KIF26B: variants seen among roughly 807,000 people sequenced by gnomAD.
The protein encoded by KIF26B is kinesin family member 26B, also known as kinesin-like protein KIF26B.
A neutral mutation model predicts 151.2 loss-of-function variants in KIF26B; 63 were observed. The ratio of observed to expected loss-of-function variants is 0.42; its 90% confidence interval spans 0.34 to 0.51. The LOEUF is 0.51. Among genes scored for constraint, KIF26B ranks in the 20% least tolerant of loss-of-function variants. The probability of loss-of-function intolerance (pLI) is 0.07; values close to 1 mark genes in which losing one functional copy is unlikely to be tolerated. For missense variants in KIF26B, 2,813 were observed against 2,913.6 expected (o/e 0.97, Z 0.79); for synonymous variants, 1,357 against 1,262.1 (o/e 1.08, Z -1.59).
chr1:245,396,593 G>A (rs972463931), intron 3 of KIF26B, among the ~76,000 whole-genome samples: 3 of 151,004 alleles, frequency 2.0e-5, no homozygotes, highest in African/African-American at 4.9e-5. Context: ...CTGAGATGGC[G>A]CCACTGCATT....
At chr1:245,369,168 T>TGAGAGAGAGGGA (rs1396163965) in intron 3 of KIF26B, among the ~76,000 whole-genome samples, 31 of 135,852 alleles carry the variant, frequency 2.3e-4, no homozygotes, top group African/African-American at 7.7e-4. Flanking sequence ...AAAAGAAGAG[T>TGAGAGAGAGGGA]GAGAGAGAGA....
Position 245,156,626 on chromosome 1 carries a change from G to A in KIF26B, c.408G>A (p.Leu136=), listed in dbSNP as rs1346703265. The A allele has an allele frequency of 6.6e-7, 1 of 1,524,290 alleles. No homozygotes were observed. The highest frequency in any genetic ancestry group is 1.2e-5 in the South Asian group (1 of 83,326). 94.4% of individuals were successfully genotyped at this position (1,524,290 alleles called of 1,614,324 possible). Reference sequence around the variant, plus strand: ...GGTGCGAGAACTGCAACGCCCGCCTGGTGGAGCTCAAGAGGCAGGCCCTGA... The same window carrying A: ...GGTGCGAGAACTGCAACGCCCGCCTAGTGGAGCTCAAGAGGCAGGCCCTGA... ...GVWCENCNAR[L]VELKRQALRL... The change falls in exon 2 of 15, where the codon CTG becomes CTA. Residue 136 remains leucine (L), a synonymous_variant. Transcript: ENST00000407071.
intron 5 of KIF26B, among the ~76,000 whole-genome samples, chr1:245,567,132 A>G (rs2043018246): frequency 6.6e-6 from 1 of 152,120 alleles, no homozygotes; most frequent in Non-Finnish European, 1.5e-5. Context: ...CTGTCTTAGG[A>G]CAGTCAGCGT....
chr1:245,534,464 T>C (rs1402549605), intron 4 of KIF26B, among the ~76,000 whole-genome samples: 1 of 152,050 alleles, frequency 6.6e-6, no homozygotes. Context: ...CCTGGCCCAC[T>C]TTTTGTTTTT....
At chr1:245,163,470 A>T (rs927977580) in intron 2 of KIF26B, among the ~76,000 whole-genome samples, 2 of 152,176 alleles carry the variant, frequency 1.3e-5, no homozygotes, top group Non-Finnish European at 2.9e-5. Context: ...GAAGCTCTGT[A>T]GCATGTTTTC....
At chr1:245,196,364 T>C (rs1168277946) in intron 2 of KIF26B, among the ~76,000 whole-genome samples, 1 of 152,148 alleles carries the variant, frequency 6.6e-6, no homozygotes, top group African/African-American at 2.4e-5. Flanking sequence ...AACCTTCCAC[T>C]GTGTTTCCTC....
intron 3 of KIF26B, among the ~76,000 whole-genome samples, chr1:245,417,632 A>C (rs987966527): frequency 8.5e-5 from 13 of 152,262 alleles, no homozygotes; most frequent in Non-Finnish European, 1.6e-4. Flanking sequence ...CAAGATAGCC[A>C]ATAGCTTTCT....
Position 245,686,711 on chromosome 1 carries a change from C to A in KIF26B, c.3728C>A (p.Ser1243Tyr). The change falls in exon 12 of 15, where the codon TCC becomes TAC. Residue 1243 changes from serine to tyrosine, a missense_variant. Physicochemically the swap from Ser to Tyr is moderately radical, Grantham distance 144. Coordinates refer to ENST00000407071, the MANE Select transcript of KIF26B (RefSeq NM_018012.4). This position sits in a 1 kb window ranked among gnomAD's most constrained non-coding sequence, Gnocchi z 5.6. ...SSISEDLECY[S>Y]STAPVSEVSI... ...ATCAGCGAGGACCTGGAGTGCTACT[C>A]CAGCACGGCCCCCGTCTCCGAGGTC... The A allele has an allele frequency of 6.2e-7, 1 of 1,613,308 alleles. No homozygotes were observed. Among genetic ancestry groups the A allele is most frequent in the Non-Finnish European group, 8.5e-7 (1 of 1,179,710 alleles).
chr1:245,165,457 G>T (rs1040544314), intron 2 of KIF26B, among the ~76,000 whole-genome samples: 1 of 152,192 alleles, frequency 6.6e-6, no homozygotes, highest in Non-Finnish European at 1.5e-5. Flanking sequence ...TAGAGCTTGA[G>T]GTGGAATGGT....
intron 2 of KIF26B, among the ~76,000 whole-genome samples, chr1:245,343,770 A>G (rs886393459): frequency 6.6e-6 from 1 of 152,230 alleles, no homozygotes; most frequent in Non-Finnish European, 1.5e-5. Flanking sequence ...TGAAGCTGCA[A>G]CCTTCCACCT....
chr1:245,405,439 T>G (rs549234602), intron 3 of KIF26B, among the ~76,000 whole-genome samples: 82 of 152,308 alleles, frequency 5.4e-4, no homozygotes, highest in African/African-American at 1.8e-3. Context: ...TAGTTAATAT[T>G]CCTTATGGCA....
Position 245,688,535 on chromosome 1 carries a change from A to G in KIF26B, c.5552A>G (p.Tyr1851Cys). Residue 1851 changes from tyrosine (Y) to cysteine (C), a missense_variant, in exon 12 of 15, where the codon TAC (tyrosine) becomes TGC (cysteine). Transcript: ENST00000407071. Reference sequence around the variant, plus strand: ...GCCGCGCACCTGCTCCCGTCGCCCTACAGCAAGATCACGCCCCCGCGGAGG... The same window carrying G: ...GCCGCGCACCTGCTCCCGTCGCCCTGCAGCAAGATCACGCCCCCGCGGAGG... ...PAAAHLLPSPYSKITPPRRPH... is the reference protein window; with the variant it reads ...PAAAHLLPSPCSKITPPRRPH... 1 of 1,536,850 alleles carries G rather than the reference A, an allele frequency of 6.5e-7. No individual in the cohort carries two copies. Among genetic ancestry groups the G allele is most frequent in the Non-Finnish European group, 8.7e-7 (1 of 1,144,632 alleles).
chr1:245,654,105 C>CTGA (rs2044049067), intron 10 of KIF26B, among the ~76,000 whole-genome samples: 1 of 152,168 alleles, frequency 6.6e-6, no homozygotes, highest in Non-Finnish European at 1.5e-5. Context: ...AGGGGCAGGG[C>CTGA]TGATGGTAGC....
rs547732814 is a variant in KIF26B, at chr1:245,587,336, G to A, written c.1351-15241G>A. ...TTTTTATTGTCTCACCTGATAAACC[G>A]TAAGCCCCTTGAAGACAGCAACTCG... On this transcript the variant is annotated intron_variant, in intron 5 of 14. Coordinates refer to ENST00000407071, the MANE Select transcript of KIF26B (RefSeq NM_018012.4). 1.2e-4 allele frequency among the ~76,000 whole-genome samples: 18 copies of A among 152,194 alleles called. No homozygotes were observed. In the South Asian group the frequency reaches 3.1e-3, roughly 26 times the overall value.
rs926782409 is a variant in KIF26B, at chr1:245,678,649, G to A, written c.2259-5584G>A. Reference sequence around the variant, plus strand: ...GAGGCCAAGGAGGGAGGATCACGAGGTCAGGAGATTGAGACCATCGTGGCC... The same window carrying A: ...GAGGCCAAGGAGGGAGGATCACGAGATCAGGAGATTGAGACCATCGTGGCC... On this transcript the variant is annotated intron_variant, in intron 10 of 14. Transcript: ENST00000407071. 3.9e-5 allele frequency among the ~76,000 whole-genome samples: 6 copies of A among 152,046 alleles called. No homozygotes were observed. In the South Asian group the frequency reaches 6.2e-4, roughly 16 times the overall value.
At chr1:245,232,261 G>A (rs1367426082) in intron 2 of KIF26B, among the ~76,000 whole-genome samples, 1 of 152,200 alleles carries the variant, frequency 6.6e-6, no homozygotes, top group African/African-American at 2.4e-5. Context: ...AAAAGTGCAA[G>A]TAATTAATGG....
At chr1:245,465,762 G>T (rs992980008) in intron 4 of KIF26B, among the ~76,000 whole-genome samples, 1 of 152,198 alleles carries the variant, frequency 6.6e-6, no homozygotes, top group South Asian at 2.1e-4. Flanking sequence ...AGCCGCTGGG[G>T]AGGCCTGAGG....
intron 2 of KIF26B, among the ~76,000 whole-genome samples, chr1:245,260,667 C>T (rs1670618745): frequency 6.6e-6 from 1 of 152,202 alleles, no homozygotes; most frequent in African/African-American, 2.4e-5. Flanking sequence ...GGAAGTACTT[C>T]TCACACATCT....
intron 10 of KIF26B, among the ~76,000 whole-genome samples, chr1:245,654,017 C>T (rs1284903710): frequency 1.3e-5 from 2 of 152,108 alleles, no homozygotes; most frequent in African/African-American, 2.4e-5. Context: ...AAGCTATGAT[C>T]GTATCACTGC....
Sources: gnomAD v4.1 joint callset for allele counts (sites outside exome capture counted in the v4.1 genomes callset) on GRCh38, gnomAD v4.1.1 for gene constraint, Gnocchi (gnomAD v3.1) non-coding constraint, MANE v1.5 for transcripts, NCBI Gene and HGNC (gene_info 2026-07-23, HGNC 2026-07-21) for gene names.